Variants in MYRIP observed in about 807,000 individuals in gnomAD.
MYRIP encodes myosin VIIA and Rab interacting protein, also known as rab effector MyRIP.
Under a neutral mutation model 98.0 loss-of-function variants are expected in MYRIP, and 49 were observed. That is an observed-to-expected ratio of 0.50 (90% confidence interval 0.40 to 0.63). MYRIP has a LOEUF of 0.63. Among genes scored for constraint, MYRIP ranks in the 30% least tolerant of loss-of-function variants. The pLI is 0.00. For missense variants in MYRIP, 1,004 were observed against 1,058.2 expected (o/e 0.95, Z 0.71); for synonymous variants, 404 against 409.5 (o/e 0.99, Z 0.16).
At chr3:40,137,773 C>T (rs915999845) in intron 3 of MYRIP, among the ~76,000 whole-genome samples, 8 of 152,090 alleles carry the variant, frequency 5.3e-5, no homozygotes, top group African/African-American at 1.9e-4. Context: ...ATGCTGGGTG[C>T]TCAGTATATA....
At chr3:40,207,630 C>G (rs1447947451) in intron 10 of MYRIP, among the ~76,000 whole-genome samples, 1 of 152,160 alleles carries the variant, frequency 6.6e-6, no homozygotes, top group Non-Finnish European at 1.5e-5. Context: ...TATGAAAGAA[C>G]ATGTCACATA....
In MYRIP at chr3:40,162,828, T is replaced by G; in HGVS notation, c.550+18T>G. Reference sequence around the variant, plus strand: ...GTCAGAAGGTAAAGTTGCTTAAGAGTTTACAGCTACTGGGAAGTTGGAGTA... The same window carrying G: ...GTCAGAAGGTAAAGTTGCTTAAGAGGTTACAGCTACTGGGAAGTTGGAGTA... On this transcript the variant is annotated intron_variant, in intron 5 of 16. Coordinates refer to ENST00000302541, the MANE Select transcript of MYRIP (RefSeq NM_015460.4). 6.2e-7 allele frequency: 1 copy of G among 1,608,436 alleles called. No homozygotes were observed. The highest frequency in any genetic ancestry group is 8.5e-7 in the Non-Finnish European group (1 of 1,175,002).
intron 12 of MYRIP, among the ~76,000 whole-genome samples, chr3:40,241,743 T>A (rs1953022080): frequency 6.6e-6 from 1 of 152,170 alleles, no homozygotes; most frequent in South Asian, 2.1e-4. Context: ...CATCAATGAC[T>A]AGAGTTTGAA....
intron 1 of MYRIP, among the ~76,000 whole-genome samples, chr3:39,850,914 A>T (rs765864242): frequency 6.6e-6 from 1 of 152,292 alleles, no homozygotes; most frequent in Admixed American, 6.5e-5. Flanking sequence ...TTGAGTGTTC[A>T]TTAGTGGTCT....
At chr3:39,811,201 C>G (rs1182826456) in intron 1 of MYRIP, among the ~76,000 whole-genome samples, 3 of 152,124 alleles carry the variant, frequency 2.0e-5, no homozygotes, top group African/African-American at 7.2e-5. Flanking sequence ...CCCACCCCAA[C>G]TCTGAAACTC....
At chr3:39,980,489 A>C (rs1945864129) in intron 2 of MYRIP, among the ~76,000 whole-genome samples, 1 of 152,228 alleles carries the variant, frequency 6.6e-6, no homozygotes, top group African/African-American at 2.4e-5. Flanking sequence ...ACAGATGCTA[A>C]GAGAACATAT....
At chr3:40,034,981 C>A (rs1320934738) in intron 2 of MYRIP, among the ~76,000 whole-genome samples, 1 of 148,544 alleles carries the variant, frequency 6.7e-6, no homozygotes, top group African/African-American at 2.5e-5. Context: ...AGACAAAAAA[C>A]CAAACACCGC....
At chr3:39,947,533 A>G (rs1944930558) in intron 2 of MYRIP, among the ~76,000 whole-genome samples, 1 of 152,212 alleles carries the variant, frequency 6.6e-6, no homozygotes, top group Non-Finnish European at 1.5e-5. Context: ...TTTACAAGAG[A>G]AAGCTAGTCT....
At chr3:40,204,280 A>C (rs11919281) in intron 10 of MYRIP, among the ~76,000 whole-genome samples, 2,489 of 122,960 alleles carry the variant, frequency 0.02, 85 homozygotes, top group African/African-American at 0.079. Flanking sequence ...CCCAGGCTGG[A>C]GTGCAGTGGT....
rs904471912 is a variant in MYRIP, at chr3:40,259,527, A to C, written c.*1361A>C. ...TTAATAACTGAAGGCCAGAGAGATT[A>C]ATTTGCCAAAGCCACACCTTTATGC... is the stretch of plus-strand genomic sequence containing the variant. On this transcript the variant is annotated 3_prime_UTR_variant, in exon 17 of 17. Transcript: ENST00000302541. 1 of 152,240 alleles carries C rather than the reference A, an allele frequency of 6.6e-6. No individual in the cohort carries two copies. The highest frequency in any genetic ancestry group is 1.5e-5 in the Non-Finnish European group (1 of 68,052). The allele number at this position is 152,240 out of a possible 1,614,324, so 9.4% of individuals were successfully genotyped here.
chr3:39,828,309 C>A (rs1245123615), intron 1 of MYRIP, among the ~76,000 whole-genome samples: 1 of 151,648 alleles, frequency 6.6e-6, no homozygotes, highest in Non-Finnish European at 1.5e-5. Context: ...TTTTTGTCTG[C>A]CTGACTTATT....
intron 2 of MYRIP, among the ~76,000 whole-genome samples, chr3:39,918,993 A>G (rs944409941): frequency 2.6e-5 from 4 of 152,234 alleles, no homozygotes; most frequent in Admixed American, 1.3e-4. Flanking sequence ...GGCTACATCA[A>G]TGCAGATTCT....
intron 10 of MYRIP, chr3:40,209,401 T>TTACACAATGTAGGC (rs1392553287): frequency 1.3e-5 from 2 of 155,982 alleles, no homozygotes; most frequent in African/African-American, 4.8e-5. Flanking sequence ...GATTTGATCA[T>TTACACAATGTAGGC]TACACAATGT....
chr3:40,110,535 C>T (rs757837130), intron 3 of MYRIP, among the ~76,000 whole-genome samples: 6 of 152,352 alleles, frequency 3.9e-5, no homozygotes, highest in South Asian at 4.2e-4. Flanking sequence ...TTCTGTTTAA[C>T]TTGCTCAGCC....
chr3:39,833,068 G>T (rs1941500816), intron 1 of MYRIP, among the ~76,000 whole-genome samples: 1 of 152,140 alleles, frequency 6.6e-6, no homozygotes, highest in African/African-American at 2.4e-5. Context: ...ATGCTTAAAG[G>T]TAATCAGACT....
At chr3:39,876,751 T>C (rs372026694) in intron 1 of MYRIP, among the ~76,000 whole-genome samples, 2 of 152,270 alleles carry the variant, frequency 1.3e-5, no homozygotes, top group East Asian at 1.9e-4. Flanking sequence ...GTAACCCGAC[T>C]TTTCTCTCTG....
intron 3 of MYRIP, among the ~76,000 whole-genome samples, chr3:40,130,390 T>C (rs1949611335): frequency 6.6e-6 from 1 of 151,584 alleles, no homozygotes; most frequent in Non-Finnish European, 1.5e-5. Flanking sequence ...TTTTTTTTTT[T>C]TTTTTGAGAC....
intron 8 of MYRIP, among the ~76,000 whole-genome samples, chr3:40,181,666 T>C (rs999655729): frequency 6.6e-5 from 10 of 152,302 alleles, no homozygotes; most frequent in South Asian, 4.1e-4. Flanking sequence ...AACATATATA[T>C]ATATAATGCA....
chr3:39,868,206 CTG>C (rs1237904138), intron 1 of MYRIP, among the ~76,000 whole-genome samples: 1 of 152,194 alleles, frequency 6.6e-6, no homozygotes, highest in Non-Finnish European at 1.5e-5. Context: ...TCCTGCTTCT[CTG>C]AGAACTGGGC....
Sources: gnomAD v4.1 joint callset for allele counts (sites outside exome capture counted in the v4.1 genomes callset) on GRCh38, gnomAD v4.1.1 for gene constraint, MANE v1.5 for transcripts, NCBI Gene and HGNC (gene_info 2026-07-23, HGNC 2026-07-21) for gene names.